Variants in SETBP1 observed in about 807,000 individuals in gnomAD.
SETBP1 encodes the protein SET-binding protein.
Under a neutral mutation model 101.0 loss-of-function variants are expected in SETBP1, and 9 were observed. The observed-to-expected ratio is 0.09, with a 90% CI of 0.05 to 0.16. SETBP1 has a LOEUF of 0.16. Among genes scored for constraint, SETBP1 ranks in the 10% least tolerant of loss-of-function variants. The probability of loss-of-function intolerance (pLI) is 1.00; values close to 1 mark genes in which losing one functional copy is unlikely to be tolerated. For missense variants in SETBP1, 1,858 were observed against 2,033.8 expected, an observed-to-expected ratio of 0.91 and a Z score of 1.66; for synonymous variants, 818 against 788.5, an observed-to-expected ratio of 1.04 and a Z score of -0.63.
intron 3 of SETBP1, among the ~76,000 whole-genome samples, chr18:44,942,480 G>A (rs982282850): frequency 6.6e-6 from 1 of 151,990 alleles, no homozygotes; most frequent in African/African-American, 2.4e-5. Context: ...TTTCCCTCAG[G>A]AGCCCCAAAC....
chr18:44,713,529 A>C (rs148265985), intron 2 of SETBP1, among the ~76,000 whole-genome samples: 124 of 152,216 alleles, frequency 8.1e-4, no homozygotes, highest in African/African-American at 2.9e-3. Flanking sequence ...TCTCTTCTAA[A>C]AGGTGTAAGT....
chr18:45,033,919 G>A (rs926561109), intron 4 of SETBP1, among the ~76,000 whole-genome samples: 2 of 152,194 alleles, frequency 1.3e-5, no homozygotes, highest in African/African-American at 2.4e-5. Flanking sequence ...CTAGGAAAGG[G>A]TAGTAAATAG....
At chr18:44,840,087 G>A (rs2072586122) in intron 2 of SETBP1, among the ~76,000 whole-genome samples, 1 of 152,106 alleles carries the variant, frequency 6.6e-6, no homozygotes, top group Non-Finnish European at 1.5e-5. Flanking sequence ...TTCTCTCCAT[G>A]GCTGTTCATG....
chr18:44,793,115 C>T (rs953593637), intron 2 of SETBP1, among the ~76,000 whole-genome samples: 65 of 152,118 alleles, frequency 4.3e-4, no homozygotes, highest in Non-Finnish European at 2.9e-4. Flanking sequence ...GTGTGACAGC[C>T]GTAGAATTAA....
intron 3 of SETBP1, among the ~76,000 whole-genome samples, chr18:44,924,866 C>T (rs990525843): frequency 2.6e-5 from 4 of 152,094 alleles, no homozygotes. Context: ...AAATGTGTTC[C>T]CAGATGGTTC....
chr18:45,016,368 C>G (rs2072941034), intron 4 of SETBP1, among the ~76,000 whole-genome samples: 1 of 152,108 alleles, frequency 6.6e-6, no homozygotes, highest in African/African-American at 2.4e-5. Context: ...AAAGTGACAC[C>G]AAGGTCAGGA....
chr18:44,920,196 A>G (rs1354575931), intron 3 of SETBP1, among the ~76,000 whole-genome samples: 3 of 152,144 alleles, frequency 2.0e-5, no homozygotes, highest in African/African-American at 4.8e-5. Flanking sequence ...CTCACATGGC[A>G]GAAGAGTAGG....
At chr18:44,911,805 T>A (rs1370920801) in intron 3 of SETBP1, among the ~76,000 whole-genome samples, 1 of 152,170 alleles carries the variant, frequency 6.6e-6, no homozygotes, top group Non-Finnish European at 1.5e-5. Context: ...TTACCAGCAC[T>A]TGACTACATG....
intron 3 of SETBP1, among the ~76,000 whole-genome samples, chr18:44,905,055 C>T (rs1433940420): frequency 6.6e-6 from 1 of 152,020 alleles, no homozygotes; most frequent in Non-Finnish European, 1.5e-5. Flanking sequence ...TGCAACAGAT[C>T]AAAGGAAAAT....
At chr18:44,682,789 C>A (rs1222300181) in intron 1 of SETBP1, among the ~76,000 whole-genome samples, 4 of 152,114 alleles carry the variant, frequency 2.6e-5, no homozygotes, top group Non-Finnish European at 4.4e-5. Flanking sequence ...TTCTCCTCCC[C>A]CGTTAAGGGG....
intron 4 of SETBP1, among the ~76,000 whole-genome samples, chr18:45,023,304 A>G (rs2073104769): frequency 6.6e-6 from 1 of 152,234 alleles, no homozygotes; most frequent in Admixed American, 6.5e-5. Flanking sequence ...CCCAGGTACA[A>G]TGGAAGGTAA....
At chr18:44,853,403 G>C (rs2072910684) in intron 2 of SETBP1, among the ~76,000 whole-genome samples, 1 of 152,172 alleles carries the variant, frequency 6.6e-6, no homozygotes, top group African/African-American at 2.4e-5. Flanking sequence ...ACCCCTTAAA[G>C]ATATCACAGG....
rs2073994294 is a variant in SETBP1 at position 45,068,224 on chromosome 18, A to G, written c.*4526A>G. 6.6e-6 allele frequency: 1 copy of G among 152,210 alleles called. No individual in the cohort carries two copies. Among genetic ancestry groups the G allele is most frequent in the Admixed American group, 6.5e-5 (1 of 15,288 alleles). 9.4% of individuals were successfully genotyped at this position (152,210 alleles called of 1,614,324 possible). A position where few individuals can be genotyped will look rare whatever the true frequency, so the allele number is the denominator to read the frequency against. ...GCAAGAAAATTGTACATTGTTTGAA[A>G]TGTTCTTTTTGTAACAGTTTTTATT... On this transcript the variant is annotated 3_prime_UTR_variant, in exon 6 of 6. Coordinates refer to ENST00000649279, the MANE Select transcript of SETBP1 (RefSeq NM_015559.3).
chr18:45,017,211 C>A (rs1252293561), intron 4 of SETBP1, among the ~76,000 whole-genome samples: 3 of 152,094 alleles, frequency 2.0e-5, no homozygotes, highest in Non-Finnish European at 4.4e-5. Context: ...GAAGAGGGAC[C>A]CAGGCCCAGG....
Position 45,063,831 on chromosome 18 carries a change from C to T in SETBP1, c.*133C>T. On this transcript the variant is annotated 3_prime_UTR_variant, in exon 6 of 6. Coordinates refer to ENST00000649279, the MANE Select transcript of SETBP1 (RefSeq NM_015559.3). ...TCTCCAGAAGCCGGGCAGGCAGAAT[C>T]CGGCCAGACGACGGGGCTGAGCCAT... is the stretch of plus-strand genomic sequence containing the variant. 1.9e-6 allele frequency: 2 copies of T among 1,036,376 alleles called. No individual in the cohort carries two copies. Among genetic ancestry groups the T allele is most frequent in the South Asian group, 1.6e-5 (1 of 62,308 alleles). 64.2% of individuals were successfully genotyped at this position (1,036,376 alleles called of 1,614,324 possible). A position where few individuals can be genotyped will look rare whatever the true frequency, so the allele number is the denominator to read the frequency against.
Position 44,950,908 on chromosome 18 carries a change from A to C in SETBP1, c.1568A>C (p.His523Pro), listed in dbSNP as rs1789040142. 4 of 1,614,072 alleles carry C rather than the reference A, an allele frequency of 2.5e-6. No homozygotes were observed. The African/African-American group carries it at 4.0e-5, about 16-fold the overall frequency. The change falls in exon 4 of 6, where the codon CAT becomes CCT. Residue 523 changes from histidine to proline, a missense_variant. His to Pro is a moderately conservative substitution (Grantham distance 77). Coordinates refer to ENST00000649279, the MANE Select transcript of SETBP1 (RefSeq NM_015559.3). ...TCCAGAAAGCTGCCAGAAATCCAGC[A>C]TCCAAAATTTGCTGCAAAACGAAGG... The part of the protein sequence containing the change: ...SPSRKLPEIQ[H>P]PKFAAKRRWT...
chr18:44,740,918 A>G (rs190315520), intron 2 of SETBP1, among the ~76,000 whole-genome samples: 1 of 152,194 alleles, frequency 6.6e-6, no homozygotes, highest in East Asian at 1.9e-4. Context: ...ATAAATTTGA[A>G]TGTACATCTT....
intron 3 of SETBP1, among the ~76,000 whole-genome samples, chr18:44,881,465 C>G (rs2069528511): frequency 6.6e-6 from 1 of 152,168 alleles, no homozygotes; most frequent in Admixed American, 6.5e-5. Context: ...TAAACAAGAG[C>G]TGGACAAATT....
At chr18:44,712,450 G>C (rs2069368220) in intron 2 of SETBP1, among the ~76,000 whole-genome samples, 2 of 152,284 alleles carry the variant, frequency 1.3e-5, no homozygotes, top group South Asian at 4.1e-4. Flanking sequence ...AGGAATTTCA[G>C]CATTTTTTAC....
Sources: gnomAD v4.1 joint callset for allele counts (sites outside exome capture counted in the v4.1 genomes callset) on GRCh38, gnomAD v4.1.1 for gene constraint, MANE v1.5 for transcripts, NCBI Gene and HGNC (gene_info 2026-07-23, HGNC 2026-07-21) for gene names.